APC: variants seen among roughly 807,000 people sequenced by gnomAD.
APC encodes APC regulator of Wnt signaling pathway.
A neutral mutation model predicts 247.0 loss-of-function variants in APC; 72 were observed. The observed-to-expected ratio is 0.29, with a 90% CI of 0.24 to 0.35. The LOEUF (loss-of-function observed/expected upper bound fraction) is 0.35. Ranked by LOEUF, APC falls within the 10% of genes least tolerant of loss-of-function variation. APC has a pLI of 1.00. For missense variants in APC, 3,400 were observed against 3,360.7 expected (o/e 1.01, Z -0.29); for synonymous variants, 1,254 against 1,162.5 (o/e 1.08, Z -1.60).
chr5:112,752,204 CATCTAAAAATGCTGGAAAATAT>C (rs1754463946), intron 1 of APC, among the ~76,000 whole-genome samples: 2 of 151,988 alleles, frequency 1.3e-5, no homozygotes, highest in Admixed American at 1.3e-4. Flanking sequence ...TTCCTCATTT[CATCTAAAAATGCTGGAAAATAT>C]ATCTTTGTTT....
Position 112,844,430 on chromosome 5 carries a change from TAATG to T in APC, c.*307_*310del, listed in dbSNP as rs901398161. On this transcript the variant is annotated 3_prime_UTR_variant, in exon 16 of 16. Transcript: ENST00000257430. ...CCTTTAATTATTGCTTGTCTTAAAA[TAATG>T]AACACTACAGATAGAAAATATGATA... The T allele has an allele frequency of 5.1e-5, 18 of 350,298 alleles. No homozygotes were observed. The highest frequency in any genetic ancestry group is 9.4e-5 in the East Asian group (2 of 21,176). The allele number at this position is 350,298 out of a possible 1,614,324, so 21.7% of individuals were successfully genotyped here. A position where few individuals can be genotyped will look rare whatever the true frequency, so the allele number is the denominator to read the frequency against.
At position 112,833,975 on chromosome 5, in the gene APC, A is replaced by G. The variant is rs555474983; in HGVS notation, c.1744-976A>G. ...AAATCTACTTTCTTTTTTTTTTGAG[A>G]CAGGGTCTCACTGTCAACCAGGCTT... On this transcript the variant is annotated intron_variant, in intron 14 of 15. Coordinates refer to ENST00000257430, the MANE Select transcript of APC (RefSeq NM_000038.6). 1.6e-3 allele frequency among the ~76,000 whole-genome samples: 248 copies of G among 151,352 alleles called. 1 individual carries two copies. The highest frequency in any genetic ancestry group is 5.9e-3 in the African/African-American group (243 of 41,304).
intron 2 of APC, among the ~76,000 whole-genome samples, chr5:112,757,880 A>G (rs1240551995): frequency 6.6e-6 from 1 of 152,202 alleles, no homozygotes; most frequent in East Asian, 1.9e-4. Flanking sequence ...TGAACACTGT[A>G]TATTAAGGAA....
chr5:112,717,467 A>G (rs1472471609), intron 1 of APC, among the ~76,000 whole-genome samples: 1 of 152,152 alleles, frequency 6.6e-6, no homozygotes, highest in East Asian at 1.9e-4. Flanking sequence ...TTGATTTTGA[A>G]GGATCTGAAA....
chr5:112,794,320 A>G (rs779796653), intron 7 of APC, among the ~76,000 whole-genome samples: 2 of 152,186 alleles, frequency 1.3e-5, no homozygotes, highest in Non-Finnish European at 2.9e-5. Flanking sequence ...AGCTCAAGCA[A>G]TCTGCCTGTC....
intron 13 of APC, 128 bp downstream of exon 13, chr5:112,828,134 C>T (rs1763908419): frequency 3.8e-6 from 3 of 780,466 alleles, no homozygotes; most frequent in Admixed American, 2.0e-5. Context: ...CTCCAGGGTT[C>T]AAGCAATCCT....
chr5:112,739,730 T>A (rs1350878687), intron 1 of APC, among the ~76,000 whole-genome samples: 1 of 152,180 alleles, frequency 6.6e-6, no homozygotes, highest in Non-Finnish European at 1.5e-5. Flanking sequence ...GTCTCTTTTT[T>A]AAAATCTGAT....
rs1765139909 is a variant in APC at position 112,837,833 on chromosome 5, T to C, written c.2239T>C (p.Ser747Pro). ...GGATGCCAATATTATGTCTCCTGGCTCAAGCTTGCCATCTCTTCATGTTAG... is the reference window on the plus strand; with the variant it reads ...GGATGCCAATATTATGTCTCCTGGCCCAAGCTTGCCATCTCTTCATGTTAG... ...YKDANIMSPG[S>P]SLPSLHVRKQ... Residue 747 changes from serine to proline, a missense_variant, in exon 16 of 16, where the codon TCA becomes CCA. Physicochemically the swap from Ser to Pro is moderately conservative, Grantham distance 74. Around this residue, in one of 9 missense-constraint regions of APC, gnomAD observed 91 missense variants for 103.3 expected, o/e 0.88. Coordinates refer to ENST00000257430, the MANE Select transcript of APC (RefSeq NM_000038.6). 1 of 1,614,028 alleles carries C rather than the reference T, an allele frequency of 6.2e-7. No homozygotes were observed. Among genetic ancestry groups the C allele is most frequent in the Non-Finnish European group, 8.5e-7 (1 of 1,180,024 alleles).
In APC at chr5:112,844,169, A is replaced by T. The variant is rs2150007415; in HGVS notation, c.*43A>T. On this transcript the variant is annotated 3_prime_UTR_variant, in exon 16 of 16. Coordinates refer to ENST00000257430, the MANE Select transcript of APC (RefSeq NM_000038.6). ...ACTAAGAAAATTCTATGTTAATTAC[A>T]ACTGCTATATAGACATTTTGTTTCA... 6.6e-7 allele frequency: 1 copy of T among 1,523,176 alleles called. No homozygotes were observed. Among genetic ancestry groups the T allele is most frequent in the Non-Finnish European group, 9.1e-7 (1 of 1,101,664 alleles). 94.4% of individuals were successfully genotyped at this position (1,523,176 alleles called of 1,614,324 possible). A position where few individuals can be genotyped will look rare whatever the true frequency, so the allele number is the denominator to read the frequency against.
chr5:112,822,825 C>G (rs553468780), intron 11 of APC, among the ~76,000 whole-genome samples: 7 of 152,196 alleles, frequency 4.6e-5, no homozygotes, highest in African/African-American at 1.7e-4. Flanking sequence ...TTCCTATCCC[C>G]TCATCGTTTC....
chr5:112,782,787 T>A (rs930321486), intron 6 of APC, among the ~76,000 whole-genome samples: 6 of 152,142 alleles, frequency 3.9e-5, no homozygotes, highest in African/African-American at 1.4e-4. Context: ...GTATTAAAAT[T>A]AAGAATTTAT....
intron 1 of APC, among the ~76,000 whole-genome samples, chr5:112,721,926 C>A (rs905353334): frequency 6.6e-6 from 1 of 151,894 alleles, no homozygotes; most frequent in African/African-American, 2.4e-5. Context: ...AGAAAGTTTA[C>A]GAATTTGTGT....
At chr5:112,751,625 A>T (rs1204084198) in intron 1 of APC, among the ~76,000 whole-genome samples, 3 of 151,930 alleles carry the variant, frequency 2.0e-5, no homozygotes, top group Non-Finnish European at 4.4e-5. Flanking sequence ...TCTCTCCCCT[A>T]TAAATGAATG....
intron 7 of APC, 21 bp downstream of exon 7, chr5:112,792,550 G>T (rs748909443): frequency 1.3e-6 from 2 of 1,569,596 alleles, no homozygotes; most frequent in Non-Finnish European, 8.8e-7. Context: ...TGCCTTTCTT[G>T]TTTGTGGGTA....
chr5:112,765,322 C>T (rs72787355), intron 2 of APC, among the ~76,000 whole-genome samples: 2,251 of 152,152 alleles, frequency 0.015, 30 homozygotes, highest in Non-Finnish European at 0.023. Flanking sequence ...CTATGTTGTT[C>T]AGGCTGGTCT....
chr5:112,796,910 AT>A (rs1017868910), intron 7 of APC, among the ~76,000 whole-genome samples: 1 of 151,922 alleles, frequency 6.6e-6, no homozygotes, highest in Admixed American at 6.6e-5. Context: ...CAATAGTCAC[AT>A]TTTTTTCTAG....
Position 112,821,949 on chromosome 5 carries a change from C to T in APC, c.1366C>T (p.Leu456Phe), listed in dbSNP as rs876660195. ...ICPAVCVLMK[L>F]SFDEEHRHAM... is the part of the protein sequence containing the mutation. ...TCCTGCTGTGTGTGTTCTAATGAAA[C>T]TTTCATTTGATGAAGAGCATAGACA... The change falls in exon 11 of 16, where the codon CTT (leucine) becomes TTT (phenylalanine). Residue 456 changes from leucine to phenylalanine, a missense_variant. Transcript: ENST00000257430. The T allele has an allele frequency of 6.2e-7, 1 of 1,613,208 alleles. No individual in the cohort carries two copies. Among genetic ancestry groups the T allele is most frequent in the Non-Finnish European group, 8.5e-7 (1 of 1,179,516 alleles).
In APC at chr5:112,764,661, G is replaced by A. The variant is rs993495518; in HGVS notation, c.136-1665G>A. ...GTCTGAAGTTTGCAAGTGAAGTTAG[G>A]ATTCGAGACATGTCATTGGAAATTA... is the stretch of plus-strand genomic sequence containing the variant. On this transcript the variant is annotated intron_variant, in intron 2 of 15. Transcript: ENST00000257430. 3.9e-5 allele frequency among the ~76,000 whole-genome samples: 6 copies of A among 152,208 alleles called. No individual in the cohort carries two copies. The East Asian group carries it at 1.2e-3, about 29-fold the overall frequency.
chr5:112,800,763 T>C (rs972164419), intron 7 of APC, among the ~76,000 whole-genome samples: 1 of 152,224 alleles, frequency 6.6e-6, no homozygotes, highest in Non-Finnish European at 1.5e-5. Context: ...GAAAAGGCTT[T>C]GGGTTTTATT....
Sources: gnomAD v4.1 joint callset for allele counts (sites outside exome capture counted in the v4.1 genomes callset) on GRCh38, gnomAD v4.1.1 for gene constraint, gnomAD v4.1.1 regional missense constraint, MANE v1.5 for transcripts, NCBI Gene and HGNC (gene_info 2026-07-23, HGNC 2026-07-21) for gene names.